TG: variants seen among roughly 807,000 people sequenced by gnomAD.
TG encodes the protein thyroglobulin.
In TG, 270 loss-of-function variants were observed where a neutral mutation model predicts 324.7. The observed-to-expected ratio is 0.83, with a 90% confidence interval of 0.75 to 0.92. TG has a LOEUF of 0.92. Ranked by LOEUF, TG falls within the 40% of genes least tolerant of loss-of-function variation. The probability of loss-of-function intolerance (pLI) is 0.00; values close to 1 mark genes in which losing one functional copy is unlikely to be tolerated. For missense variants in TG, 3,591 were observed against 3,456.4 expected (o/e 1.04, Z -0.98); for synonymous variants, 1,401 against 1,327.0 (o/e 1.06, Z -1.21).
At chr8:132,874,584 A>G (rs928049189) in intron 5 of TG, among the ~76,000 whole-genome samples, 1 of 152,210 alleles carries the variant, frequency 6.6e-6, no homozygotes, top group Admixed American at 6.5e-5. Context: ...GAGGGAGGAA[A>G]TTCTCATGGG....
At chr8:133,026,526 CTCTG>C (rs1836096675) in intron 40 of TG, among the ~76,000 whole-genome samples, 1 of 152,196 alleles carries the variant, frequency 6.6e-6, no homozygotes, top group Admixed American at 6.5e-5. Context: ...TGTTGTTCCT[CTCTG>C]TCTGGCAAAG....
Position 132,888,331 on chromosome 8 carries a change from C to T in TG, c.2524C>T (p.Leu842=), listed in dbSNP as rs565268369. 135 of 1,614,244 alleles carry T rather than the reference C, an allele frequency of 8.4e-5. 1 individual carries two copies. In the South Asian group the frequency reaches 1.4e-3, roughly 17 times the overall value. ...VFPVLSQYPS[L]QDVPLAALEG... ...CCCGGTGCTGTCACAATACCCTTCT[C>T]TGCAAGATGTCCCACTAGCAGCACT... The change falls in exon 10 of 48, where the codon CTG becomes TTG. Residue 842 remains leucine (L), a synonymous_variant. Coordinates refer to ENST00000220616, the MANE Select transcript of TG (RefSeq NM_003235.5).
chr8:132,912,901 G>C, intron 19 of TG, 146 bp from the exon 20 acceptor site: 2 of 817,600 alleles, frequency 2.4e-6, no homozygotes, highest in Non-Finnish European at 4.0e-6. Flanking sequence ...CTGGGCCTCA[G>C]TTCCTCCCTC....
chr8:133,100,818 G>A (rs568961347), intron 43 of TG, among the ~76,000 whole-genome samples: 12 of 152,150 alleles, frequency 7.9e-5, no homozygotes, highest in Admixed American at 5.2e-4. Context: ...TTTTTTTTCT[G>A]TAGTCATTTA....
At chr8:132,882,264 T>C (rs1814752491) in intron 6 of TG, among the ~76,000 whole-genome samples, 1 of 152,278 alleles carries the variant, frequency 6.6e-6, no homozygotes, top group Non-Finnish European at 1.5e-5. Context: ...TCTCTTATTC[T>C]ATAAGCACTG....
intron 43 of TG, among the ~76,000 whole-genome samples, chr8:133,099,948 G>A (rs1030610436): frequency 6.6e-6 from 1 of 152,148 alleles, no homozygotes; most frequent in African/African-American, 2.4e-5. Flanking sequence ...AGTAGCCAGA[G>A]CAATCCCTTT....
In TG at chr8:132,882,837, C is replaced by A. The variant is rs367625126; in HGVS notation, c.913C>A (p.Arg305=). ...FRCPTKCEVE[R]FTATSFGHPY... is the part of the protein sequence containing the mutation. Reference sequence around the variant, plus strand: ...AGGCCCCACAAAATGTGAAGTGGAGCGGTTTACAGCAACCAGCTTTGGTCA... The same window carrying A: ...AGGCCCCACAAAATGTGAAGTGGAGAGGTTTACAGCAACCAGCTTTGGTCA... The change falls in exon 8 of 48, where the codon CGG becomes AGG. Residue 305 remains arginine, a synonymous_variant. Transcript: ENST00000220616. 155 of 1,614,066 alleles carry A rather than the reference C, an allele frequency of 9.6e-5. No homozygotes were observed. Among genetic ancestry groups the A allele is most frequent in the Non-Finnish European group, 1.3e-4 (150 of 1,180,038 alleles).
intron 11 of TG, among the ~76,000 whole-genome samples, chr8:132,897,122 C>A (rs978350064): frequency 6.6e-6 from 1 of 152,214 alleles, no homozygotes; most frequent in Admixed American, 6.5e-5. Flanking sequence ...CCTACGAGGG[C>A]AGCTGATGTC....
In TG at chr8:133,133,655, C is replaced by T. The variant is rs781042173; in HGVS notation, c.8183C>T (p.Ser2728Phe). The T allele has an allele frequency of 3.7e-6, 6 of 1,613,498 alleles. No individual in the cohort carries two copies. Among genetic ancestry groups the T allele is most frequent in the Admixed American group, 1.7e-5 (1 of 59,910 alleles). ...AAGTACATCTCGTCTCTGAAGACAT[C>T]TGCAGGTAGCAAAGCCCTGGGACAA... ...WSKYISSLKT[S>F]ADGAKGGQSA... Residue 2728 changes from serine (S) to phenylalanine (F), a missense_variant, in exon 47 of 48, where the codon TCT becomes TTT. By Grantham distance (155) the Ser-to-Phe change is radical. Coordinates refer to ENST00000220616, the MANE Select transcript of TG (RefSeq NM_003235.5).
At chr8:132,906,621 A>G in intron 16 of TG, 67 bp from the exon 17 acceptor site, 1 of 1,579,760 alleles carries the variant, frequency 6.3e-7, no homozygotes, top group Admixed American at 1.7e-5. Flanking sequence ...GACACCCACA[A>G]GCAGGCATGC....
chr8:132,939,045 CAA>C (rs36002632), intron 25 of TG, among the ~76,000 whole-genome samples: 1,116 of 67,698 alleles, frequency 0.016, 8 homozygotes, highest in African/African-American at 0.06. Context: ...GCAGGAGTCT[CAA>C]AAAAAAAAAA....
chr8:132,926,079 G>A (rs1821828747), intron 22 of TG, among the ~76,000 whole-genome samples: 1 of 152,150 alleles, frequency 6.6e-6, no homozygotes, highest in African/African-American at 2.4e-5. Flanking sequence ...GGCCCTCACT[G>A]GGATGTCAAC....
intron 34 of TG, among the ~76,000 whole-genome samples, chr8:132,977,086 A>G (rs1830260676): frequency 6.6e-6 from 1 of 152,166 alleles, no homozygotes; most frequent in Non-Finnish European, 1.5e-5. Context: ...ATTGGATTCT[A>G]TTTTCTCTAG....
chr8:133,024,946 C>G (rs1012428685), intron 40 of TG, among the ~76,000 whole-genome samples: 21 of 152,002 alleles, frequency 1.4e-4, no homozygotes, highest in African/African-American at 4.8e-4. Context: ...CCATTTGACC[C>G]AGCAATCTCA....
intron 23 of TG, among the ~76,000 whole-genome samples, chr8:132,931,280 C>G (rs1292544203): frequency 6.6e-6 from 1 of 152,240 alleles, no homozygotes; most frequent in African/African-American, 2.4e-5. Flanking sequence ...TAATTTACCT[C>G]TTTCAAGACC....
intron 21 of TG, among the ~76,000 whole-genome samples, chr8:132,922,437 A>G (rs1346556745): frequency 6.6e-6 from 1 of 152,200 alleles, no homozygotes; most frequent in Non-Finnish European, 1.5e-5. Flanking sequence ...TGGAACGTCT[A>G]TCGAGTGGGA....
At chr8:133,024,396 CTTTTTT>C (rs1185137057) in intron 40 of TG, among the ~76,000 whole-genome samples, 3 of 68,970 alleles carry the variant, frequency 4.3e-5, no homozygotes, top group Non-Finnish European at 8.9e-5. Flanking sequence ...CTTTCTTTTT[CTTTTTT>C]TAATTTTACT....
At chr8:132,934,406 A>G (rs920408074) in intron 24 of TG, among the ~76,000 whole-genome samples, 4 of 152,166 alleles carry the variant, frequency 2.6e-5, no homozygotes, top group South Asian at 2.1e-4. Context: ...ACCACATAAC[A>G]TTGCTGTTCT....
chr8:133,113,620 G>C lies in TG; in HGVS notation c.7754+17G>C, dbSNP rs753760532. The stretch of plus-strand genomic sequence containing the variant: ...TGCCACCCGGTAAGCTAAGCTGCAG[G>C]AGGGTGCAGATTCCTACTGCTATGT... On this transcript the variant is annotated intron_variant, in intron 44 of 47. Coordinates refer to ENST00000220616, the MANE Select transcript of TG (RefSeq NM_003235.5). 2 of 1,612,612 alleles carry C rather than the reference G, an allele frequency of 1.2e-6. No homozygotes were observed. Among genetic ancestry groups the C allele is most frequent in the South Asian group, 1.1e-5 (1 of 90,884 alleles).
Sources: allele counts gnomAD v4.1 joint callset (sites outside exome capture counted in the v4.1 genomes callset), GRCh38; gene constraint gnomAD v4.1.1; transcripts MANE v1.5; gene names NCBI Gene and HGNC (gene_info 2026-07-23, HGNC 2026-07-21).